The following DOK6 variants were observed in gnomAD, a reference collection of about 807,000 sequenced individuals.
The protein encoded by DOK6 is docking protein 6, also known as downstream of tyrosine kinase 6.
Under a neutral mutation model 44.0 loss-of-function variants are expected in DOK6, and 22 were observed. The ratio of observed to expected loss-of-function variants is 0.50; its 90% CI spans 0.36 to 0.71. DOK6 has a LOEUF of 0.71. Among genes scored for constraint, DOK6 ranks in the 30% least tolerant of loss-of-function variants. DOK6 has a pLI of 0.00. For missense variants in DOK6, 340 were observed against 416.4 expected (o/e 0.82, Z 1.60); for synonymous variants, 166 against 145.5 (o/e 1.14, Z -1.01).
At chr18:69,833,758 A>G (rs948725439) in intron 7 of DOK6, among the ~76,000 whole-genome samples, 16 of 152,204 alleles carry the variant, frequency 1.1e-4, no homozygotes, top group African/African-American at 1.4e-4. Flanking sequence ...CTGAATAGAC[A>G]TTTCTCAAAA....
intron 3 of DOK6, among the ~76,000 whole-genome samples, chr18:69,658,768 T>C (rs1374379098): frequency 2.0e-5 from 3 of 152,218 alleles, no homozygotes; most frequent in African/African-American, 7.2e-5. Flanking sequence ...TATTTTTGCA[T>C]ATATAACTCT....
At position 69,563,263 on chromosome 18, in the gene DOK6, A is replaced by G. The variant is rs1202763477; in HGVS notation, c.67-1224A>G. Among the ~76,000 whole-genome samples, 8 of 152,310 alleles carry G rather than the reference A, an allele frequency of 5.3e-5. No homozygotes were observed. The East Asian group carries it at 1.2e-3, about 22-fold the overall frequency. ...TGTGGCGATTCCTCAGGGATCTAGAACTAGAACTGCCATTTGACCCAGCCA... is the reference window on the plus strand; with the variant it reads ...TGTGGCGATTCCTCAGGGATCTAGAGCTAGAACTGCCATTTGACCCAGCCA... On this transcript the variant is annotated intron_variant, in intron 1 of 7. Transcript: ENST00000382713.
intron 2 of DOK6, among the ~76,000 whole-genome samples, chr18:69,593,474 T>C (rs1425569789): frequency 6.6e-6 from 1 of 152,200 alleles, no homozygotes; most frequent in Non-Finnish European, 1.5e-5. Flanking sequence ...CATGCTGAAG[T>C]GGATAACATC....
chr18:69,607,926 A>C (rs950150144), intron 3 of DOK6, among the ~76,000 whole-genome samples: 5 of 152,242 alleles, frequency 3.3e-5, no homozygotes, highest in Non-Finnish European at 7.3e-5. Context: ...TATAATGTGA[A>C]AAAACCCTTA....
Position 69,814,346 on chromosome 18 carries a change from A to C in DOK6, c.857-26898A>C, listed in dbSNP as rs138774608. Among the ~76,000 whole-genome samples the C allele has an allele frequency of 5.0e-3, 760 of 152,198 alleles. 10 individuals are homozygous for C. Among genetic ancestry groups the C allele is most frequent in the African/African-American group, 0.018 (731 of 41,550 alleles). On this transcript the variant is annotated intron_variant, in intron 7 of 7. Coordinates refer to ENST00000382713, the MANE Select transcript of DOK6 (RefSeq NM_152721.6). ...ATGTTGGCCCTGAGTGAGGTGAGGG[A>C]GGCAAAGTGTGTTGCCATGTCATTT...
chr18:69,643,449 C>T (rs1260866054), intron 3 of DOK6, among the ~76,000 whole-genome samples: 1 of 152,162 alleles, frequency 6.6e-6, no homozygotes, highest in African/African-American at 2.4e-5. Context: ...CCATCCCTAA[C>T]CTTTGGCTTG....
intron 1 of DOK6, among the ~76,000 whole-genome samples, chr18:69,428,110 C>A (rs1978695499): frequency 6.6e-6 from 1 of 151,988 alleles, no homozygotes; most frequent in Non-Finnish European, 1.5e-5. Flanking sequence ...GATTTACTTT[C>A]TTTATAGTTC....
At chr18:69,620,786 T>C (rs925833416) in intron 3 of DOK6, among the ~76,000 whole-genome samples, 2 of 152,382 alleles carry the variant, frequency 1.3e-5, no homozygotes, top group South Asian at 2.1e-4. Flanking sequence ...ACAATCCTAT[T>C]CATAATTGAG....
intron 1 of DOK6, among the ~76,000 whole-genome samples, chr18:69,554,786 CA>C (rs1982647398): frequency 6.6e-6 from 1 of 152,192 alleles, no homozygotes; most frequent in Non-Finnish European, 1.5e-5. Flanking sequence ...TCCTTACCAA[CA>C]CTTGGTATTA....
chr18:69,574,402 T>C (rs567037354), intron 2 of DOK6, among the ~76,000 whole-genome samples: 5 of 152,192 alleles, frequency 3.3e-5, no homozygotes, highest in Non-Finnish European at 5.9e-5. Flanking sequence ...TAATGAAATA[T>C]GATTAAATGT....
chr18:69,722,470 G>A lies in DOK6; in HGVS notation c.600-16495G>A, dbSNP rs532617757. Among the ~76,000 whole-genome samples, 48 of 152,246 alleles carry A rather than the reference G, an allele frequency of 3.2e-4. 2 individuals are homozygous for A. Among genetic ancestry groups the A allele is most frequent in the Middle Eastern group, 6.8e-3 (2 of 294 alleles). Reference sequence around the variant, plus strand: ...ATATCCTCTCCCCAAAATGCCCATCGCTTTGGTGCCTGTCTCAGAGAGGCT... The same window carrying A: ...ATATCCTCTCCCCAAAATGCCCATCACTTTGGTGCCTGTCTCAGAGAGGCT... On this transcript the variant is annotated intron_variant, in intron 5 of 7. Transcript: ENST00000382713.
At chr18:69,610,831 T>A (rs954592359) in intron 3 of DOK6, among the ~76,000 whole-genome samples, 1 of 152,196 alleles carries the variant, frequency 6.6e-6, no homozygotes, top group Non-Finnish European at 1.5e-5. Context: ...CACTGCAGGA[T>A]TTTATGTAAG....
intron 1 of DOK6, among the ~76,000 whole-genome samples, chr18:69,437,972 T>A (rs997023160): frequency 2.0e-5 from 3 of 152,188 alleles, no homozygotes; most frequent in Admixed American, 2.0e-4. Context: ...TAAAAAGTAA[T>A]TTTTTGCTAA....
chr18:69,823,674 G>A (rs542734472), intron 7 of DOK6, among the ~76,000 whole-genome samples: 143 of 147,684 alleles, frequency 9.7e-4, no homozygotes, highest in Non-Finnish European at 1.6e-3. Context: ...AAAGACAAAG[G>A]AATTAATTGT....
At chr18:69,456,517 A>G (rs377601059) in intron 1 of DOK6, among the ~76,000 whole-genome samples, 1 of 152,154 alleles carries the variant, frequency 6.6e-6, no homozygotes, top group East Asian at 1.9e-4. Context: ...TCCATGGTGT[A>G]TATGTATCAT....
At chr18:69,762,713 A>C (rs139358546) in intron 7 of DOK6, among the ~76,000 whole-genome samples, 1 of 152,354 alleles carries the variant, frequency 6.6e-6, no homozygotes, top group Admixed American at 6.5e-5. Flanking sequence ...TTTTAAATGC[A>C]TGGCGTGGTA....
chr18:69,846,444 G>A lies in DOK6; in HGVS notation c.*5061G>A, dbSNP rs1021434229. On this transcript the variant is annotated 3_prime_UTR_variant, in exon 8 of 8. Transcript: ENST00000382713. The stretch of plus-strand genomic sequence containing the variant: ...ATGGCCTCAAAATAAATAAACCCTT[G>A]TACATTTAAGTGTTTTCCCAGATTT... 1.3e-5 allele frequency: 2 copies of A among 152,162 alleles called. No homozygotes were observed. Among genetic ancestry groups the A allele is most frequent in the Admixed American group, 6.5e-5 (1 of 15,270 alleles). The allele number at this position is 152,162 out of a possible 1,614,324, so 9.4% of individuals were successfully genotyped here.
intron 1 of DOK6, among the ~76,000 whole-genome samples, chr18:69,501,213 G>A (rs1192915334): frequency 1.3e-5 from 2 of 152,098 alleles, no homozygotes; most frequent in Non-Finnish European, 2.9e-5. Context: ...AGTTTTGGAT[G>A]TTCAAATTTA....
intron 3 of DOK6, among the ~76,000 whole-genome samples, chr18:69,620,677 A>C (rs1025638244): frequency 6.6e-6 from 1 of 152,218 alleles, no homozygotes; most frequent in African/African-American, 2.4e-5. Flanking sequence ...TTTGATAAAC[A>C]ATAGTTAATA....
Sources: gnomAD v4.1 joint callset for allele counts (sites outside exome capture counted in the v4.1 genomes callset) on GRCh38, gnomAD v4.1.1 for gene constraint, MANE v1.5 for transcripts, NCBI Gene and HGNC (gene_info 2026-07-23, HGNC 2026-07-21) for gene names.